Variants in RUVBL2 observed in about 807,000 individuals in gnomAD.
The protein encoded by RUVBL2 is RuvB like AAA ATPase 2.
A neutral mutation model predicts 57.9 loss-of-function variants in RUVBL2; 9 were observed. That is an observed-to-expected ratio of 0.16 (90% CI 0.09 to 0.27). RUVBL2 has a LOEUF of 0.27. RUVBL2 is among the 10% of genes least tolerant of loss of function. The pLI is 1.00. For synonymous variants in RUVBL2, 278 were observed against 264.6 expected, an observed-to-expected ratio of 1.05 and a Z score of -0.49; for missense variants, 456 against 669.6, an observed-to-expected ratio of 0.68 and a Z score of 3.52.
chr19:49,014,564 C>T lies in RUVBL2; in HGVS notation c.1082C>T (p.Pro361Leu), dbSNP rs774049361. 1.2e-5 allele frequency: 19 copies of T among 1,614,144 alleles called. No homozygotes were observed. The highest frequency in any genetic ancestry group is 3.3e-5 in the Admixed American group (2 of 60,020). ...LDRLLIVSTT[P>L]YSEKDTKQIL... is the part of the protein sequence containing the mutation. ...CGGCTGCTTATCGTCTCCACCACCC[C>T]CTACAGCGAGAAAGACACGAAGCAG... The change falls in exon 12 of 15, where the codon CCC (proline) becomes CTC (leucine). Residue 361 changes from proline (P) to leucine (L), a missense_variant. Pro to Leu is a moderately conservative substitution (Grantham distance 98). Around this residue, in one of 5 missense-constraint regions of RUVBL2, gnomAD observed 130 missense variants for 243.0 expected, o/e 0.53. Transcript: ENST00000595090.
chr19:49,013,722 G>A (rs896546920), intron 11 of RUVBL2, among the ~76,000 whole-genome samples: 4 of 152,268 alleles, frequency 2.6e-5, no homozygotes, highest in South Asian at 2.1e-4. Flanking sequence ...AGACCGTCCC[G>A]GCCAACATGG....
chr19:48,996,502 CTGTGTGTGTGTGTGTG>C (rs72341497), intron 1 of RUVBL2, among the ~76,000 whole-genome samples: 1 of 138,146 alleles, frequency 7.2e-6, no homozygotes, highest in Non-Finnish European at 1.5e-5. Flanking sequence ...ATTTTTGTAT[CTGTGTGTGTGTGTGTG>C]TGTGTGTGTG....
chr19:49,010,295 C>T (rs995771510), intron 8 of RUVBL2, 193 bp from the exon 9 acceptor site: 39 of 690,944 alleles, frequency 5.6e-5, no homozygotes, highest in African/African-American at 9.0e-5. Flanking sequence ...CGGGAGCCCC[C>T]GTGACCCTCA....
In RUVBL2 at chr19:49,004,427, C is replaced by A; in HGVS notation, c.265+9C>A. ...GACGGCCATCGCCATGGGTAAGAAA[C>A]CTCCCAGGGCAGGAACTCTCCTGTT... On this transcript the variant is annotated intron_variant, in intron 4 of 14. Coordinates refer to ENST00000595090, the MANE Select transcript of RUVBL2 (RefSeq NM_006666.3). 1 of 1,609,186 alleles carries A rather than the reference C, an allele frequency of 6.2e-7. No individual in the cohort carries two copies.
chr19:49,011,433 C>T lies in RUVBL2; in HGVS notation c.1001+123C>T. 1 of 740,858 alleles carries T rather than the reference C, an allele frequency of 1.3e-6. No individual in the cohort carries two copies. Among genetic ancestry groups the T allele is most frequent in the Non-Finnish European group, 2.3e-6 (1 of 440,682 alleles). 45.9% of individuals were successfully genotyped at this position (740,858 alleles called of 1,614,324 possible). A position where few individuals can be genotyped will look rare whatever the true frequency, so the allele number is the denominator to read the frequency against. ...GAGGGACGCGTGACTGCAGTGTGCG[C>T]TCTTTGCTTACAAAAGGCGGGTGGG... On this transcript the variant is annotated intron_variant, in intron 11 of 14. Transcript: ENST00000595090. The surrounding 1 kb of genome is among the most constrained non-coding windows in gnomAD (Gnocchi z 4.4).
chr19:48,998,625 G>A (rs1227345037), intron 1 of RUVBL2, among the ~76,000 whole-genome samples: 2 of 149,926 alleles, frequency 1.3e-5, no homozygotes, highest in African/African-American at 4.9e-5. Flanking sequence ...GGGAGAATCG[G>A]TTAAACCCAG....
At chr19:49,003,192 A>G (rs2039217463) in intron 2 of RUVBL2, 87 bp from the exon 3 acceptor site, 1 of 1,182,850 alleles carries the variant, frequency 8.5e-7, no homozygotes, top group Admixed American at 1.7e-5. Flanking sequence ...CCCTTTGACA[A>G]AGAAGGAAAC....
intron 12 of RUVBL2, 81 bp downstream of exon 12, chr19:49,014,684 G>A: frequency 1.7e-5 from 26 of 1,556,634 alleles, no homozygotes; most frequent in Non-Finnish European, 2.3e-5. Flanking sequence ...CTGAGGTCCA[G>A]CGGAGTGGCA....
At chr19:49,005,491 G>T (rs1298754860) in intron 4 of RUVBL2, among the ~76,000 whole-genome samples, 18 of 152,122 alleles carry the variant, frequency 1.2e-4, no homozygotes, top group Admixed American at 1.2e-3. Flanking sequence ...GTTGCTAGAG[G>T]CTTCCAGAGA....
chr19:49,014,114 AACTG>A (rs2039491970), intron 11 of RUVBL2, among the ~76,000 whole-genome samples: 1 of 152,164 alleles, frequency 6.6e-6, no homozygotes, highest in Admixed American at 6.5e-5. Flanking sequence ...GAATAAGGGG[AACTG>A]ACTGTATCCC....
In RUVBL2 at chr19:49,010,482, C is replaced by A. The variant is rs761870275; in HGVS notation, c.664-6C>A. On this transcript the variant is annotated splice_region_variant and splice_polypyrimidine_tract_variant and intron_variant, in intron 8 of 14. Coordinates refer to ENST00000595090, the MANE Select transcript of RUVBL2 (RefSeq NM_006666.3). ...CCGCCGTTCTTCCCCCACCCCCGCC[C>A]CATAGACCAAGTTCGTGCAGTGCCC... 6.2e-7 allele frequency: 1 copy of A among 1,605,448 alleles called. No individual in the cohort carries two copies. The highest frequency in any genetic ancestry group is 8.5e-7 in the Non-Finnish European group (1 of 1,173,090).
intron 1 of RUVBL2, 76 bp downstream of exon 1, chr19:48,993,999 G>T: frequency 6.3e-7 from 1 of 1,574,870 alleles, no homozygotes; most frequent in South Asian, 1.1e-5. Context: ...TGGAGGCCCT[G>T]ACTCCTGGGT....
chr19:49,003,176 A>ACCC, intron 2 of RUVBL2, 103 bp from the exon 3 acceptor site: 1 of 538,220 alleles, frequency 1.9e-6, no homozygotes, highest in Non-Finnish European at 3.6e-6. Context: ...CCCTACTCCC[A>ACCC]CCCACCCCTT....
intron 8 of RUVBL2, 83 bp downstream of exon 8, chr19:49,010,149 TCTG>T: frequency 8.0e-7 from 1 of 1,254,678 alleles, no homozygotes; most frequent in Non-Finnish European, 1.1e-6. Context: ...ACCCATGGGG[TCTG>T]GATCTTCCTG....
At chr19:48,999,684 A>G (rs566074875) in intron 2 of RUVBL2, among the ~76,000 whole-genome samples, 59 of 152,244 alleles carry the variant, frequency 3.9e-4, no homozygotes, top group African/African-American at 1.4e-3. Flanking sequence ...CCCAGTACAC[A>G]CTGTGGGGTG....
chr19:49,015,743 G>A, intron 14 of RUVBL2, 57 bp downstream of exon 14: 1 of 1,611,886 alleles, frequency 6.2e-7, no homozygotes, highest in Admixed American at 1.7e-5. Context: ...GGGAGGAAGA[G>A]GGAGCTCGGC....
Position 49,007,285 on chromosome 19 carries a change from A to G in RUVBL2, c.396-17A>G. ...TCCAGGTGTCAGGCTGTCTCCTCAGATCTGCTCTCTGGCTAGGGAGGAGAC... is the reference window on the plus strand; with the variant it reads ...TCCAGGTGTCAGGCTGTCTCCTCAGGTCTGCTCTCTGGCTAGGGAGGAGAC... On this transcript the variant is annotated splice_polypyrimidine_tract_variant and intron_variant, in intron 5 of 14. Transcript: ENST00000595090. 1.2e-6 allele frequency: 2 copies of G among 1,613,210 alleles called. No homozygotes were observed. Among genetic ancestry groups the G allele is most frequent in the East Asian group, 4.5e-5 (2 of 44,884 alleles).
At chr19:49,003,150 T>A in intron 2 of RUVBL2, 129 bp from the exon 3 acceptor site, 1 of 799,956 alleles carries the variant, frequency 1.3e-6, no homozygotes, top group South Asian at 1.4e-5. Flanking sequence ...GCCCCTTCAT[T>A]CCCCCAACCC....
chr19:48,997,287 G>A (rs1419959218), intron 1 of RUVBL2, among the ~76,000 whole-genome samples: 1 of 152,092 alleles, frequency 6.6e-6, no homozygotes, highest in Non-Finnish European at 1.5e-5. Context: ...CTTTCAGTCA[G>A]TATAATGTTT....
Sources: allele counts gnomAD v4.1 joint callset (sites outside exome capture counted in the v4.1 genomes callset), GRCh38; gene constraint gnomAD v4.1.1; regional missense constraint gnomAD v4.1.1; non-coding constraint Gnocchi (gnomAD v3.1); transcripts MANE v1.5; gene names NCBI Gene and HGNC (gene_info 2026-07-23, HGNC 2026-07-21).